Variants in WDR59 observed in about 807,000 individuals in gnomAD.
The protein encoded by WDR59 is WD repeat domain 59.
A neutral mutation model predicts 131.2 loss-of-function variants in WDR59; 100 were observed. The observed-to-expected ratio is 0.76, with a 90% CI of 0.65 to 0.90. The LOEUF is 0.90. Ranked by LOEUF, WDR59 falls within the 40% of genes least tolerant of loss-of-function variation. WDR59 has a pLI of 0.00. For missense variants in WDR59, 1,203 were observed against 1,262.2 expected, an observed-to-expected ratio of 0.95 and a Z score of 0.71; for synonymous variants, 601 against 466.2, an observed-to-expected ratio of 1.29 and a Z score of -3.72.
At position 74,938,200 on chromosome 16, in the gene WDR59, G is replaced by T. The variant is rs11557260; in HGVS notation, c.601C>A (p.Pro201Thr). Residue 201 changes from proline (P) to threonine (T), a missense_variant, in exon 8 of 26, where the codon CCA (proline) becomes ACA (threonine). Transcript: ENST00000262144. ...LSKIHGLDWH[P>T]DSEHILATSS... ...GTAGCAAGAATGTGCTCGCTGTCTG[G>T]GTGCCAGTCCAGGCCATGGATTTTG... is the stretch of plus-strand genomic sequence containing the variant. The T allele has an allele frequency of 3.2e-6, 5 of 1,573,000 alleles. No homozygotes were observed. In the Admixed American group the frequency reaches 7.4e-5, roughly 23 times the overall value.
chr16:74,884,640 G>A (rs1377504273), intron 25 of WDR59, among the ~76,000 whole-genome samples: 4 of 152,258 alleles, frequency 2.6e-5, no homozygotes, highest in Middle Eastern at 3.4e-3. Context: ...AAGTCACCAC[G>A]TCCGGCCAAA....
chr16:74,875,274 C>A (rs1461457924), intron 25 of WDR59, among the ~76,000 whole-genome samples: 4 of 152,212 alleles, frequency 2.6e-5, no homozygotes, highest in Non-Finnish European at 5.9e-5. Context: ...TGGCAATAGT[C>A]CCCTCATCAC....
intron 23 of WDR59, among the ~76,000 whole-genome samples, chr16:74,886,684 C>A (rs1017112223): frequency 9.9e-5 from 15 of 152,116 alleles, no homozygotes. Context: ...CTTTTGGAGG[C>A]CCAGGCAGGC....
intron 8 of WDR59, among the ~76,000 whole-genome samples, chr16:74,931,313 A>C (rs552600138): frequency 7.9e-5 from 12 of 152,258 alleles, no homozygotes; most frequent in Non-Finnish European, 1.8e-4. Flanking sequence ...TGATGCTTTT[A>C]AAAAAATGTT....
intron 9 of WDR59, 142 bp from the exon 10 acceptor site, chr16:74,922,245 C>G (rs2030315540): frequency 1.9e-6 from 2 of 1,046,486 alleles, no homozygotes; most frequent in Non-Finnish European, 1.4e-6. Context: ...AAATTTTTCC[C>G]AAACACCATA....
intron 18 of WDR59, among the ~76,000 whole-genome samples, chr16:74,900,150 G>A (rs761690345): frequency 6.6e-6 from 1 of 152,200 alleles, no homozygotes; most frequent in Non-Finnish European, 1.5e-5. Context: ...AGGTAAGAAG[G>A]AGAACATATA....
chr16:74,957,113 C>G (rs1156753570), intron 2 of WDR59, among the ~76,000 whole-genome samples: 3 of 142,132 alleles, frequency 2.1e-5, no homozygotes, highest in Non-Finnish European at 3.0e-5. Flanking sequence ...CAGAGTCTCG[C>G]TCTGTCACCC....
chr16:74,975,097 A>T (rs1376317987), intron 1 of WDR59, among the ~76,000 whole-genome samples: 1 of 152,224 alleles, frequency 6.6e-6, no homozygotes, highest in African/African-American at 2.4e-5. Context: ...GCAGAGGCTC[A>T]CACCTGTAAT....
intron 25 of WDR59, among the ~76,000 whole-genome samples, chr16:74,883,330 G>T (rs1484897478): frequency 6.6e-6 from 1 of 151,918 alleles, no homozygotes; most frequent in Admixed American, 6.6e-5. Flanking sequence ...GCCACACCCC[G>T]GTTTTTAATC....
intron 9 of WDR59, 117 bp from the exon 10 acceptor site, chr16:74,922,220 C>G: frequency 7.5e-7 from 1 of 1,327,346 alleles, no homozygotes; most frequent in South Asian, 1.5e-5. Flanking sequence ...ATGGAAGGCC[C>G]CAACTCATCT....
At chr16:74,898,020 T>A (rs1215237667) in intron 18 of WDR59, among the ~76,000 whole-genome samples, 2 of 152,172 alleles carry the variant, frequency 1.3e-5, no homozygotes, top group Non-Finnish European at 1.5e-5. Context: ...TAGATGGACA[T>A]CTTTTCAGGG....
intron 8 of WDR59, among the ~76,000 whole-genome samples, chr16:74,931,671 A>C (rs2031400901): frequency 6.6e-6 from 1 of 152,054 alleles, no homozygotes; most frequent in African/African-American, 2.4e-5. Flanking sequence ...ACAAGAGCTG[A>C]GTCTACAGCC....
chr16:74,874,925 T>C (rs1326897791), intron 25 of WDR59, among the ~76,000 whole-genome samples: 5 of 151,562 alleles, frequency 3.3e-5, no homozygotes. Flanking sequence ...CAGAACTCCT[T>C]CTTCTGAGCC....
At chr16:74,895,064 T>C (rs539466243) in intron 18 of WDR59, among the ~76,000 whole-genome samples, 8 of 152,326 alleles carry the variant, frequency 5.3e-5, no homozygotes, top group Admixed American at 4.6e-4. Context: ...TGATATCCCA[T>C]TTAATACCTA....
chr16:74,877,707 G>A (rs1291588789), intron 25 of WDR59, among the ~76,000 whole-genome samples: 1 of 152,064 alleles, frequency 6.6e-6, no homozygotes. Context: ...AACATGCCCG[G>A]CTAATTTCTG....
Position 74,916,241 on chromosome 16 carries a change from A to G in WDR59, c.985T>C (p.Leu329=). The G allele has an allele frequency of 1.2e-6, 2 of 1,613,984 alleles. No homozygotes were observed. The highest frequency in any genetic ancestry group is 2.2e-5 in the South Asian group (2 of 91,068). Reference sequence around the variant, plus strand: ...TCAATGAACTCATCAACACCATCTAATATGTCATTTGCACAAAGCTGCAAC... The same window carrying G: ...TCAATGAACTCATCAACACCATCTAGTATGTCATTTGCACAAAGCTGCAAC... The part of the protein sequence containing the change: ...QMQRLCANDI[L]DGVDEFIESI... Residue 329 remains leucine, a synonymous_variant, in exon 12 of 26, where the codon TTA becomes CTA. Coordinates refer to ENST00000262144, the MANE Select transcript of WDR59 (RefSeq NM_030581.4).
intron 6 of WDR59, among the ~76,000 whole-genome samples, chr16:74,946,287 G>A (rs190835355): frequency 6.6e-6 from 1 of 152,288 alleles, no homozygotes; most frequent in Admixed American, 6.5e-5. Context: ...GTGGTTTCAG[G>A]CATCCAATGG....
chr16:74,951,209 G>A (rs1266249163), intron 4 of WDR59, among the ~76,000 whole-genome samples: 2 of 150,932 alleles, frequency 1.3e-5, no homozygotes, highest in Non-Finnish European at 2.9e-5. Flanking sequence ...ACCCTGGACT[G>A]GACTATATCC....
chr16:74,938,128 C>A (rs889169239), intron 8 of WDR59, 22 bp downstream of exon 8: 1 of 1,466,388 alleles, frequency 6.8e-7, no homozygotes, highest in Non-Finnish European at 9.1e-7. Flanking sequence ...GCTCCTCCAA[C>A]TTCCCCATGG....
Sources: allele counts gnomAD v4.1 joint callset (sites outside exome capture counted in the v4.1 genomes callset), GRCh38; gene constraint gnomAD v4.1.1; transcripts MANE v1.5; gene names NCBI Gene and HGNC (gene_info 2026-07-23, HGNC 2026-07-21).